Variants in RNF111 observed in about 807,000 individuals in gnomAD.
RNF111 encodes the protein ring finger protein 111.
Under a neutral mutation model 95.1 loss-of-function variants are expected in RNF111, and 17 were observed. The observed-to-expected ratio is 0.18, with a 90% confidence interval of 0.12 to 0.27. RNF111 has a LOEUF of 0.27. Among genes scored for constraint, RNF111 ranks in the 10% least tolerant of loss-of-function variants. The pLI is 1.00. For synonymous variants in RNF111, 440 were observed against 414.8 expected (o/e 1.06, Z -0.74); for missense variants, 1,189 against 1,210.4 (o/e 0.98, Z 0.26).
At chr15:59,072,522 C>G (rs1301176086) in intron 6 of RNF111, among the ~76,000 whole-genome samples, 1 of 139,620 alleles carries the variant, frequency 7.2e-6, no homozygotes, top group Non-Finnish European at 1.5e-5. Context: ...GGCGTGATCT[C>G]GGCTCACTGA....
At chr15:58,991,090 G>A (rs1039329808) in intron 1 of RNF111, among the ~76,000 whole-genome samples, 5 of 151,936 alleles carry the variant, frequency 3.3e-5, no homozygotes, top group Non-Finnish European at 7.4e-5. Flanking sequence ...GGTCGGGTTC[G>A]AGAGCAGCCA....
intron 2 of RNF111, among the ~76,000 whole-genome samples, chr15:59,044,522 C>T (rs2041617796): frequency 6.6e-6 from 1 of 152,028 alleles, no homozygotes; most frequent in Non-Finnish European, 1.5e-5. Context: ...TTTTTGTTAT[C>T]ATTGTTGTAC....
intron 2 of RNF111, among the ~76,000 whole-genome samples, chr15:59,035,453 C>T (rs1029694340): frequency 6.6e-6 from 1 of 152,130 alleles, no homozygotes. Flanking sequence ...CAAGTTAGTT[C>T]CTAGATGCAA....
intron 1 of RNF111, among the ~76,000 whole-genome samples, chr15:59,030,417 CTAAT>C (rs780550692): frequency 2.0e-5 from 3 of 152,096 alleles, no homozygotes; most frequent in East Asian, 1.9e-4. Context: ...AACATGTTGA[CTAAT>C]TAGTCTTTTG....
At chr15:59,068,660 C>T (rs2042774529) in intron 6 of RNF111, among the ~76,000 whole-genome samples, 1 of 151,958 alleles carries the variant, frequency 6.6e-6, no homozygotes, top group Non-Finnish European at 1.5e-5. Context: ...CCTAGGATTA[C>T]AGGCATTAAG....
chr15:59,027,871 G>C (rs1409507048), intron 1 of RNF111, among the ~76,000 whole-genome samples: 3 of 147,450 alleles, frequency 2.0e-5, no homozygotes, highest in African/African-American at 7.6e-5. Context: ...TGTTGTCCAA[G>C]CTGGAGTGCA....
chr15:59,034,589 A>C (rs2041079776), intron 2 of RNF111, among the ~76,000 whole-genome samples: 1 of 152,212 alleles, frequency 6.6e-6, no homozygotes. Flanking sequence ...ATTTTTTAAA[A>C]ACTATAGTTA....
intron 2 of RNF111, among the ~76,000 whole-genome samples, chr15:59,050,678 C>T (rs2141952231): frequency 6.6e-6 from 1 of 152,302 alleles, no homozygotes; most frequent in South Asian, 2.1e-4. Flanking sequence ...AGAGCTATAA[C>T]ACCTGTAAAA....
intron 2 of RNF111, among the ~76,000 whole-genome samples, chr15:59,038,677 A>G (rs1317234584): frequency 6.6e-6 from 1 of 152,156 alleles, no homozygotes; most frequent in Non-Finnish European, 1.5e-5. Context: ...CATTTTACTC[A>G]TAGACACTTC....
chr15:59,090,751 G>A (rs1392003512), intron 11 of RNF111, among the ~76,000 whole-genome samples: 3 of 152,138 alleles, frequency 2.0e-5, no homozygotes. Flanking sequence ...ACAACCATTT[G>A]CCTTACTGTC....
At chr15:59,023,534 TTA>T (rs3052991) in intron 1 of RNF111, among the ~76,000 whole-genome samples, 46,926 of 151,954 alleles carry the variant, frequency 0.31, 7,331 homozygotes, top group Middle Eastern at 0.41. Flanking sequence ...TTATTTTTAT[TTA>T]TATATTTTTG....
intron 1 of RNF111, among the ~76,000 whole-genome samples, chr15:59,022,005 G>A (rs987236629): frequency 2.6e-5 from 4 of 151,706 alleles, no homozygotes; most frequent in East Asian, 1.9e-4. Flanking sequence ...AACTACAGGC[G>A]CGTGCCACCA....
rs138233569 is a variant in RNF111 at position 59,091,163 on chromosome 15, T to G, written c.2739+9T>G. 5.3e-6 allele frequency: 8 copies of G among 1,515,388 alleles called. No homozygotes were observed. In the East Asian group the frequency reaches 1.8e-4, roughly 34 times the overall value. 93.9% of individuals were successfully genotyped at this position (1,515,388 alleles called of 1,614,324 possible). ...CACATAAATACAAAAAGGTAAGAAT[T>G]TATTCTATGAAACTTCTGGAGTGTT... On this transcript the variant is annotated intron_variant, in intron 12 of 13. Transcript: ENST00000348370.
chr15:59,011,184 C>T (rs1420712385), intron 1 of RNF111, among the ~76,000 whole-genome samples: 4 of 152,166 alleles, frequency 2.6e-5, no homozygotes, highest in African/African-American at 9.7e-5. Flanking sequence ...CTCTGTTCTT[C>T]GAATTTCACT....
intron 1 of RNF111, among the ~76,000 whole-genome samples, chr15:59,021,808 T>A (rs2040358534): frequency 6.6e-6 from 1 of 152,222 alleles, no homozygotes; most frequent in Non-Finnish European, 1.5e-5. Flanking sequence ...TTCACTTGTT[T>A]CCTAGATTTA....
At chr15:58,996,891 T>C (rs183608286) in intron 1 of RNF111, among the ~76,000 whole-genome samples, 393 of 152,264 alleles carry the variant, frequency 2.6e-3, no homozygotes, top group Non-Finnish European at 3.8e-3. Context: ...TGGTTTCCTA[T>C]GCAACTCTCC....
chr15:59,085,419 G>T (rs1486562632), intron 9 of RNF111: 9 of 243,466 alleles, frequency 3.7e-5, no homozygotes, highest in African/African-American at 1.6e-4. Flanking sequence ...TCCTTTGTAA[G>T]ATGTGAAACC....
At chr15:59,006,069 G>A (rs1362083887) in intron 1 of RNF111, among the ~76,000 whole-genome samples, 1 of 152,194 alleles carries the variant, frequency 6.6e-6, no homozygotes, top group South Asian at 2.1e-4. Context: ...ATCTCCAGTA[G>A]GCGTGGTCAT....
chr15:59,034,372 C>T (rs2041067245), intron 2 of RNF111, among the ~76,000 whole-genome samples: 2 of 152,082 alleles, frequency 1.3e-5, no homozygotes, highest in African/African-American at 4.8e-5. Flanking sequence ...ACCAGAATGC[C>T]CTCCAAGAAG....
Sources: allele counts gnomAD v4.1 joint callset (sites outside exome capture counted in the v4.1 genomes callset), GRCh38; gene constraint gnomAD v4.1.1; transcripts MANE v1.5; gene names NCBI Gene and HGNC (gene_info 2026-07-23, HGNC 2026-07-21).